The following RERE variants were observed in gnomAD, a reference collection of about 807,000 sequenced individuals.
RERE encodes the protein arginine-glutamic acid dipeptide repeats, also known as arginine-glutamic acid dipeptide repeats protein.
RERE carries 40 observed loss-of-function variants against 146.1 expected under a neutral mutation model. The observed-to-expected ratio is 0.27, with a 90% CI of 0.21 to 0.36. The LOEUF is 0.36. RERE is among the 10% of genes least tolerant of loss of function. RERE has a pLI of 1.00. For synonymous variants in RERE, 1,003 were observed against 866.0 expected (o/e 1.16, Z -2.78); for missense variants, 1,933 against 2,138.7 (o/e 0.90, Z 1.90).
intron 8 of RERE, among the ~76,000 whole-genome samples, chr1:8,508,376 A>C (rs569513120): frequency 6.6e-6 from 1 of 152,194 alleles, no homozygotes; most frequent in Non-Finnish European, 1.5e-5. Flanking sequence ...AGATAGAAAG[A>C]GTTCTGGAGA....
chr1:8,731,592 TA>T lies in RERE; in HGVS notation c.-144-75152del, dbSNP rs56224906. Among the ~76,000 whole-genome samples the T allele has an allele frequency of 3.2e-3, 457 of 144,952 alleles. 3 individuals are homozygous for T. Among genetic ancestry groups the T allele is most frequent in the African/African-American group, 0.01 (394 of 39,124 alleles). ...CCACCACATCAACAGAGCTCCAGTA[TA>T]AAAAAAAAAATGCATTACAACTGAC... On this transcript the variant is annotated intron_variant, in intron 1 of 22. Transcript: ENST00000400908.
chr1:8,790,374 T>C (rs1383982037), intron 1 of RERE, among the ~76,000 whole-genome samples: 1 of 152,182 alleles, frequency 6.6e-6, no homozygotes, highest in African/African-American at 2.4e-5. Context: ...TAGCTAATAA[T>C]ACAAATAAAT....
intron 22 of RERE, 111 bp downstream of exon 22, chr1:8,355,308 C>T: frequency 7.1e-6 from 9 of 1,271,690 alleles, no homozygotes; most frequent in Non-Finnish European, 1.0e-5. Flanking sequence ...CCACAATGTC[C>T]CCTCCAGGGC....
intron 12 of RERE, among the ~76,000 whole-genome samples, chr1:8,368,901 CAA>C (rs60362841): frequency 2.2e-5 from 3 of 137,270 alleles, no homozygotes; most frequent in Admixed American, 7.3e-5. Flanking sequence ...TCCCCCACCT[CAA>C]AAAAAAAAAA....
chr1:8,549,534 C>T (rs144182295), intron 6 of RERE, among the ~76,000 whole-genome samples: 1 of 152,050 alleles, frequency 6.6e-6, no homozygotes, highest in East Asian at 1.9e-4. Flanking sequence ...AAATGAAAAA[C>T]CACCATAGGC....
intron 1 of RERE, among the ~76,000 whole-genome samples, chr1:8,671,370 C>T (rs1039831364): frequency 1.3e-5 from 2 of 152,086 alleles, no homozygotes; most frequent in African/African-American, 2.4e-5. Context: ...ACATAGGAAA[C>T]GGGTGCCTAT....
chr1:8,740,542 T>A (rs1326352522), intron 1 of RERE, among the ~76,000 whole-genome samples: 5 of 152,246 alleles, frequency 3.3e-5, no homozygotes, highest in Non-Finnish European at 7.3e-5. Context: ...TTATAAACCA[T>A]TTTTAAAACT....
chr1:8,524,615 A>T (rs1350458075), intron 7 of RERE, among the ~76,000 whole-genome samples: 3 of 152,158 alleles, frequency 2.0e-5, no homozygotes, highest in Non-Finnish European at 2.9e-5. Context: ...TGGCATTCAA[A>T]TTTTTTCTAA....
In RERE at chr1:8,355,067, A is replaced by C; in HGVS notation, c.*20T>G. 3 of 1,610,414 alleles carry C rather than the reference A, an allele frequency of 1.9e-6. No homozygotes were observed. Among genetic ancestry groups the C allele is most frequent in the Non-Finnish European group, 2.5e-6 (3 of 1,177,084 alleles). On this transcript the variant is annotated 3_prime_UTR_variant, in exon 23 of 23. Transcript: ENST00000400908. The stretch of plus-strand genomic sequence containing the variant: ...CCCAAGAACTGGGGTTTCCACAGCC[A>C]GCGTTAACAAATAAATAACTTATAA...
chr1:8,443,765 C>A (rs1419236848), intron 11 of RERE, among the ~76,000 whole-genome samples: 1 of 152,168 alleles, frequency 6.6e-6, no homozygotes, highest in Non-Finnish European at 1.5e-5. Context: ...GCTCAAAGGG[C>A]CTCTGATACA....
intron 11 of RERE, among the ~76,000 whole-genome samples, chr1:8,439,530 G>A (rs974892167): frequency 6.6e-5 from 10 of 152,182 alleles, no homozygotes; most frequent in Non-Finnish European, 1.0e-4. Flanking sequence ...TAGAGGTCAA[G>A]ACTACTTAGT....
At position 8,360,388 on chromosome 1, in the gene RERE, A is replaced by G. The variant is rs1389849327; in HGVS notation, c.3119T>C (p.Val1040Ala). 8.5e-7 allele frequency: 1 copy of G among 1,177,422 alleles called. No homozygotes were observed. The highest frequency in any genetic ancestry group is 1.1e-6 in the Non-Finnish European group (1 of 935,182). The allele number at this position is 1,177,422 out of a possible 1,614,324, so 72.9% of individuals were successfully genotyped here. A position where few individuals can be genotyped will look rare whatever the true frequency, so the allele number is the denominator to read the frequency against. ...PQPPFAQHPFVPGGPPPITPP... is the reference protein window; with the variant it reads ...PQPPFAQHPFAPGGPPPITPP... ...GGTGATGGGAGGAGGGCCTCCAGGG[A>G]CAAAGGGGTGCTGAGCAAACGGGGG... The change falls in exon 18 of 23, where the codon GTC becomes GCC. Residue 1040 changes from valine to alanine, a missense_variant. Val to Ala is a moderately conservative substitution (Grantham distance 64). Around this residue, in one of 11 missense-constraint regions of RERE, gnomAD observed 1,255 missense variants for 1,153.8 expected, o/e 1.09. Transcript: ENST00000400908.
intron 1 of RERE, among the ~76,000 whole-genome samples, chr1:8,746,347 T>C (rs1373923562): frequency 6.6e-6 from 1 of 152,104 alleles, no homozygotes; most frequent in Non-Finnish European, 1.5e-5. Flanking sequence ...TTTGGGTGGA[T>C]CCAGGGTTGC....
intron 11 of RERE, among the ~76,000 whole-genome samples, chr1:8,447,176 T>C (rs2124042428): frequency 6.6e-6 from 1 of 152,052 alleles, no homozygotes; most frequent in Non-Finnish European, 1.5e-5. Flanking sequence ...AACTGGTTAT[T>C]CTAGTTAGCA....
intron 1 of RERE, among the ~76,000 whole-genome samples, chr1:8,688,865 G>A (rs1208558759): frequency 1.3e-5 from 2 of 152,134 alleles, no homozygotes; most frequent in Admixed American, 6.6e-5. Flanking sequence ...GCTAAGCTAT[G>A]GATTTTGGTA....
At chr1:8,407,416 C>G (rs1257529044) in intron 12 of RERE, among the ~76,000 whole-genome samples, 1 of 152,188 alleles carries the variant, frequency 6.6e-6, no homozygotes, top group Non-Finnish European at 1.5e-5. Flanking sequence ...TACATTTATA[C>G]TTTATAAGGT....
chr1:8,768,019 A>C, intron 1 of RERE, among the ~76,000 whole-genome samples: 1 of 152,116 alleles, frequency 6.6e-6, no homozygotes, highest in East Asian at 1.9e-4. Flanking sequence ...AAAGTGATGG[A>C]GAAAAGACGA....
At chr1:8,600,690 C>G (rs1302996564) in intron 4 of RERE, among the ~76,000 whole-genome samples, 3 of 151,068 alleles carry the variant, frequency 2.0e-5, no homozygotes, top group Non-Finnish European at 4.4e-5. Context: ...GTCCCTGCAT[C>G]TTTAAATACT....
chr1:8,608,044 T>A (rs941328809), intron 4 of RERE, among the ~76,000 whole-genome samples: 4 of 152,096 alleles, frequency 2.6e-5, no homozygotes, highest in East Asian at 1.9e-4. Context: ...TTGTTTTTGT[T>A]TTTTTTACTT....
Sources: allele counts gnomAD v4.1 joint callset (sites outside exome capture counted in the v4.1 genomes callset), GRCh38; gene constraint gnomAD v4.1.1; regional missense constraint gnomAD v4.1.1; transcripts MANE v1.5; gene names NCBI Gene and HGNC (gene_info 2026-07-23, HGNC 2026-07-21).